The following EGFLAM variants were observed in gnomAD, a reference collection of about 807,000 sequenced individuals.
EGFLAM encodes EGF like, fibronectin type III and laminin G domains.
EGFLAM carries 79 observed loss-of-function variants against 113.1 expected under a neutral mutation model. That is an observed-to-expected ratio of 0.70 (90% CI 0.58 to 0.84). EGFLAM has a LOEUF of 0.84. Ranked by LOEUF, EGFLAM falls within the 40% of genes least tolerant of loss-of-function variation. The pLI, the probability that EGFLAM is intolerant of heterozygous loss-of-function variation, is 0.00. For missense variants in EGFLAM, 1,265 were observed against 1,291.6 expected (o/e 0.98, Z 0.32); for synonymous variants, 504 against 487.6 (o/e 1.03, Z -0.44).
intron 6 of EGFLAM, among the ~76,000 whole-genome samples, chr5:38,405,735 G>T (rs573026543): frequency 1.1e-3 from 162 of 152,310 alleles, no homozygotes; most frequent in South Asian, 5.8e-3. Context: ...GTTGGGATGG[G>T]ATTGCTAGGT....
At chr5:38,341,053 C>T (rs1251855840) in intron 3 of EGFLAM, among the ~76,000 whole-genome samples, 1 of 152,170 alleles carries the variant, frequency 6.6e-6, no homozygotes, top group Non-Finnish European at 1.5e-5. Flanking sequence ...TCAGTTTCCT[C>T]AGTGACATAT....
At chr5:38,346,588 G>A (rs1297393233) in intron 3 of EGFLAM, 1 of 152,172 alleles carries the variant, frequency 6.6e-6, no homozygotes, top group Non-Finnish European at 1.5e-5. Flanking sequence ...GGTAATTAAT[G>A]GTAGCTGTGT....
In EGFLAM at chr5:38,282,823, G is replaced by A. The variant is rs147548805; in HGVS notation, c.97+23972G>A. Among the ~76,000 whole-genome samples, 820 of 152,142 alleles carry A rather than the reference G, an allele frequency of 5.4e-3. 6 individuals are homozygous for A. Among genetic ancestry groups the A allele is most frequent in the African/African-American group, 0.019 (782 of 41,516 alleles). ...GAATCCCAGTTCTCATTCCCAACCT[G>A]CATTGAGTTTTTTGTTTGTTTGCTT... On this transcript the variant is annotated intron_variant, in intron 1 of 21. Coordinates refer to ENST00000322350, the MANE Select transcript of EGFLAM (RefSeq NM_152403.4).
At chr5:38,331,493 A>G (rs1301207453) in intron 1 of EGFLAM, among the ~76,000 whole-genome samples, 1 of 152,160 alleles carries the variant, frequency 6.6e-6, no homozygotes, top group Non-Finnish European at 1.5e-5. Context: ...TACAGTATGT[A>G]GCCTCTTCAG....
intron 17 of EGFLAM, among the ~76,000 whole-genome samples, chr5:38,441,808 G>T (rs1742543531): frequency 6.6e-6 from 1 of 152,188 alleles, no homozygotes; most frequent in South Asian, 2.1e-4. Flanking sequence ...TAGTGGACAA[G>T]TCACCTGGGA....
At position 38,388,608 on chromosome 5, in the gene EGFLAM, A is replaced by AT. The variant is rs1344724268; in HGVS notation, c.713-17518_713-17517insT. Among the ~76,000 whole-genome samples, 280 of 151,802 alleles carry AT rather than the reference A, an allele frequency of 1.8e-3. 1 individual carries two copies. Among genetic ancestry groups the AT allele is most frequent in the African/African-American group, 6.1e-3 (252 of 41,320 alleles). Reference sequence around the variant, plus strand: ...AAAAAATATATATATATGTATATATAAATTAGCCCGGCATGGTGGCACATG... The same window carrying AT: ...AAAAAATATATATATATGTATATATATAATTAGCCCGGCATGGTGGCACATG... On this transcript the variant is annotated intron_variant, in intron 6 of 21. Coordinates refer to ENST00000322350, the MANE Select transcript of EGFLAM (RefSeq NM_152403.4).
intron 17 of EGFLAM, among the ~76,000 whole-genome samples, chr5:38,447,521 C>T (rs568732872): frequency 6.6e-5 from 10 of 152,036 alleles, no homozygotes; most frequent in African/African-American, 1.9e-4. Flanking sequence ...TTTAGGAGGC[C>T]GAGGCGGGTG....
intron 19 of EGFLAM, among the ~76,000 whole-genome samples, chr5:38,452,106 G>A (rs568929713): frequency 1.0e-4 from 15 of 148,278 alleles, no homozygotes; most frequent in South Asian, 2.2e-4. Context: ...GCGCAATCTC[G>A]GCTCACTGCA....
chr5:38,405,336 T>C (rs1741249590), intron 6 of EGFLAM, among the ~76,000 whole-genome samples: 1 of 152,208 alleles, frequency 6.6e-6, no homozygotes, highest in Non-Finnish European at 1.5e-5. Flanking sequence ...TTTATGTGTT[T>C]GTCCTGCTTT....
intron 20 of EGFLAM, chr5:38,461,378 G>T (rs532367540): frequency 6.6e-6 from 1 of 152,112 alleles, no homozygotes; most frequent in Non-Finnish European, 1.5e-5. Flanking sequence ...ATGCTAGAAG[G>T]TGATGCCACA....
rs1390109749 is a variant in EGFLAM at position 38,427,027 on chromosome 5, C to T, written c.1829C>T (p.Pro610Leu). Reference protein sequence around the residue: ...HCEDAFTLTIPQFRESLRSYA... With the variant: ...HCEDAFTLTILQFRESLRSYA... Reference sequence around the variant, plus strand: ...TTTTCAGCTTTCACCTTGACCATTCCTCAGTTCAGAGAGTCTCTGAGATCT... The same window carrying T: ...TTTTCAGCTTTCACCTTGACCATTCTTCAGTTCAGAGAGTCTCTGAGATCT... The change falls in exon 14 of 22, where the codon CCT (proline) becomes CTT (leucine). Residue 610 changes from proline (P) to leucine (L), a missense_variant. Transcript: ENST00000322350. The T allele has an allele frequency of 3.1e-6, 5 of 1,613,876 alleles. No individual in the cohort carries two copies. The highest frequency in any genetic ancestry group is 4.2e-6 in the Non-Finnish European group (5 of 1,180,002).
At chr5:38,331,756 A>T (rs1256775173) in intron 1 of EGFLAM, among the ~76,000 whole-genome samples, 1 of 152,128 alleles carries the variant, frequency 6.6e-6, no homozygotes, top group East Asian at 1.9e-4. Context: ...GTGGCTTGAT[A>T]GCTCATTTCT....
intron 1 of EGFLAM, among the ~76,000 whole-genome samples, chr5:38,278,022 A>C (rs1046230038): frequency 1.5e-5 from 2 of 130,442 alleles, no homozygotes; most frequent in African/African-American, 5.4e-5. Flanking sequence ...CATTCTTCAC[A>C]GAAATAGAAA....
intron 20 of EGFLAM, among the ~76,000 whole-genome samples, chr5:38,459,495 C>A (rs1168362940): frequency 6.6e-6 from 1 of 152,156 alleles, no homozygotes; most frequent in East Asian, 1.9e-4. Flanking sequence ...TTTCTAACAA[C>A]ATATTTTCAG....
intron 19 of EGFLAM, among the ~76,000 whole-genome samples, chr5:38,455,462 T>G (rs982463118): frequency 2.0e-5 from 3 of 151,486 alleles, no homozygotes. Flanking sequence ...TTGATACATT[T>G]AGAATATGTA....
chr5:38,355,309 A>G (rs1248281118), intron 5 of EGFLAM, among the ~76,000 whole-genome samples: 1 of 152,146 alleles, frequency 6.6e-6, no homozygotes, highest in Non-Finnish European at 1.5e-5. Flanking sequence ...TCCTTTCAAC[A>G]TTGCTCCTGA....
chr5:38,461,442 T>C (rs1279073234), intron 20 of EGFLAM: 1 of 152,090 alleles, frequency 6.6e-6, no homozygotes, highest in Non-Finnish European at 1.5e-5. Flanking sequence ...ATTTTAGATA[T>C]AAAAAATGAA....
At chr5:38,273,292 C>T (rs1180474481) in intron 1 of EGFLAM, among the ~76,000 whole-genome samples, 2 of 152,220 alleles carry the variant, frequency 1.3e-5, no homozygotes, top group East Asian at 1.9e-4. Context: ...AGCCCGATGA[C>T]AGGCTGATAC....
At chr5:38,268,997 C>G (rs1023212595) in intron 1 of EGFLAM, among the ~76,000 whole-genome samples, 3 of 151,958 alleles carry the variant, frequency 2.0e-5, no homozygotes, top group Admixed American at 6.6e-5. Flanking sequence ...GGCAACATGG[C>G]GAAACCGCAT....
Sources: allele counts gnomAD v4.1 joint callset (sites outside exome capture counted in the v4.1 genomes callset), GRCh38; gene constraint gnomAD v4.1.1; transcripts MANE v1.5; gene names NCBI Gene and HGNC (gene_info 2026-07-23, HGNC 2026-07-21).